Variants in PUM1 observed in about 807,000 individuals in gnomAD.
PUM1 encodes pumilio RNA binding family member 1.
Under a neutral mutation model 131.8 loss-of-function variants are expected in PUM1, and 13 were observed. That is an observed-to-expected ratio of 0.10 (90% CI 0.06 to 0.16). PUM1 has a LOEUF of 0.16. Among genes scored for constraint, PUM1 ranks in the 10% least tolerant of loss-of-function variants. The probability of loss-of-function intolerance (pLI) is 1.00; values close to 1 mark genes in which losing one functional copy is unlikely to be tolerated. For missense variants in PUM1, 961 were observed against 1,512.4 expected (o/e 0.64, Z 6.05); for synonymous variants, 509 against 556.5 (o/e 0.91, Z 1.20).
intron 14 of PUM1, among the ~76,000 whole-genome samples, chr1:30,959,651 T>C (rs1036276679): frequency 1.3e-5 from 2 of 152,142 alleles, no homozygotes; most frequent in Non-Finnish European, 1.5e-5. Context: ...CTCACACCTG[T>C]AATCCCAACA....
At chr1:30,966,413 C>G in intron 12 of PUM1, 135 bp from the exon 13 acceptor site, 1 of 836,828 alleles carries the variant, frequency 1.2e-6, no homozygotes, top group South Asian at 2.0e-5. Context: ...ACAAATCTGT[C>G]TTTGATCCCT....
intron 2 of PUM1, among the ~76,000 whole-genome samples, chr1:31,047,068 C>CA: frequency 6.6e-6 from 1 of 151,980 alleles, no homozygotes; most frequent in Non-Finnish European, 1.5e-5. Flanking sequence ...GTGCACACCC[C>CA]TAGTCCCAGC....
chr1:30,935,469 T>G (rs562069499), intron 21 of PUM1, among the ~76,000 whole-genome samples: 34 of 152,252 alleles, frequency 2.2e-4, no homozygotes, highest in Non-Finnish European at 4.6e-4. Context: ...CTGCTGAGAA[T>G]ACGACCTGCT....
chr1:30,980,319 A>C (rs1641309981), intron 8 of PUM1, 156 bp from the exon 9 acceptor site: 1 of 655,940 alleles, frequency 1.5e-6, no homozygotes, highest in East Asian at 2.8e-5. Context: ...AAATTTTAAA[A>C]AGATAACTGC....
At chr1:30,996,222 CTCCT>C (rs1641974825) in intron 5 of PUM1, among the ~76,000 whole-genome samples, 1 of 152,210 alleles carries the variant, frequency 6.6e-6, no homozygotes, top group Non-Finnish European at 1.5e-5. Context: ...CCACGACTGA[CTCCT>C]GGTTTAAGGA....
chr1:30,934,192 TTC>T (rs1447095437), intron 21 of PUM1, among the ~76,000 whole-genome samples: 2 of 152,220 alleles, frequency 1.3e-5, no homozygotes, highest in Non-Finnish European at 2.9e-5. Flanking sequence ...GAGGTGCTTC[TTC>T]TCTGGAAGCC....
chr1:30,948,650 C>T (rs981832806), intron 17 of PUM1, among the ~76,000 whole-genome samples: 2 of 152,070 alleles, frequency 1.3e-5, no homozygotes, highest in African/African-American at 4.8e-5. Context: ...ACTCAGGAGG[C>T]TAAGATGGGA....
At chr1:31,060,448 G>A (rs541778419) in intron 1 of PUM1, among the ~76,000 whole-genome samples, 15 of 152,054 alleles carry the variant, frequency 9.9e-5, no homozygotes, top group Non-Finnish European at 1.6e-4. Flanking sequence ...GTGACAGAGC[G>A]AGACTCTCTC....
At chr1:31,061,124 T>A (rs564806313) in intron 1 of PUM1, among the ~76,000 whole-genome samples, 1 of 152,222 alleles carries the variant, frequency 6.6e-6, no homozygotes, top group East Asian at 1.9e-4. Flanking sequence ...ATAAACAGGA[T>A]GAGACCAAAC....
chr1:30,973,334 T>C (rs981077628), intron 10 of PUM1, among the ~76,000 whole-genome samples: 1 of 152,002 alleles, frequency 6.6e-6, no homozygotes, highest in Non-Finnish European at 1.5e-5. Flanking sequence ...TCATTTAATA[T>C]ATTCATATAT....
chr1:30,999,270 G>A lies in PUM1; in HGVS notation c.721-4050C>T, dbSNP rs150577432. On this transcript the variant is annotated intron_variant, in intron 5 of 21. Transcript: ENST00000426105. ...CTGCCTTGGTCTCCCAAAGCTCTGT[G>A]ATTACAAGTGTGAGCCATAACACCT... is the stretch of plus-strand genomic sequence containing the variant. Among the ~76,000 whole-genome samples the A allele has an allele frequency of 7.6e-4, 115 of 152,186 alleles. 1 individual carries two copies. The highest frequency in any genetic ancestry group is 2.6e-3 in the African/African-American group (109 of 41,522).
intron 14 of PUM1, among the ~76,000 whole-genome samples, chr1:30,955,577 T>C (rs1341187124): frequency 2.0e-5 from 3 of 152,194 alleles, no homozygotes; most frequent in Non-Finnish European, 4.4e-5. Context: ...TCTGGGGTTG[T>C]TTCCCCCACC....
intron 10 of PUM1, among the ~76,000 whole-genome samples, chr1:30,971,870 T>C (rs1640884008): frequency 6.6e-6 from 1 of 152,242 alleles, no homozygotes; most frequent in African/African-American, 2.4e-5. Flanking sequence ...GTAATTACTT[T>C]AGTCTTCCAA....
intron 2 of PUM1, among the ~76,000 whole-genome samples, chr1:31,029,918 A>G (rs1367756707): frequency 1.5e-5 from 2 of 133,506 alleles, no homozygotes; most frequent in African/African-American, 5.1e-5. Context: ...TTTTTCAAAA[A>G]AAAAAAAAAA....
intron 17 of PUM1, among the ~76,000 whole-genome samples, chr1:30,948,030 T>C (rs984862341): frequency 3.3e-5 from 5 of 151,988 alleles, no homozygotes; most frequent in Non-Finnish European, 5.9e-5. Context: ...CAACTTTTTA[T>C]AGAGATGGGG....
intron 5 of PUM1, among the ~76,000 whole-genome samples, chr1:30,999,841 T>C (rs1642140901): frequency 6.6e-6 from 1 of 152,204 alleles, no homozygotes; most frequent in African/African-American, 2.4e-5. Context: ...AGAGACGCAC[T>C]GGGATGGTGT....
At chr1:30,951,002 G>C (rs758074142) in intron 16 of PUM1, among the ~76,000 whole-genome samples, 16 of 152,142 alleles carry the variant, frequency 1.1e-4, no homozygotes, top group Non-Finnish European at 2.2e-4. Context: ...AAAATCAGTA[G>C]AATCAAGAAG....
At chr1:31,020,717 G>C (rs918583293) in intron 3 of PUM1, among the ~76,000 whole-genome samples, 11 of 152,122 alleles carry the variant, frequency 7.2e-5, no homozygotes, top group Admixed American at 3.3e-4. Flanking sequence ...AAAAGACAAG[G>C]ATCTCAACCC....
At chr1:30,943,749 T>C (rs995238902) in intron 18 of PUM1, among the ~76,000 whole-genome samples, 1 of 152,238 alleles carries the variant, frequency 6.6e-6, no homozygotes, top group Non-Finnish European at 1.5e-5. Flanking sequence ...AAAATGGTTG[T>C]GCCAATGTCT....
Sources: allele counts gnomAD v4.1 joint callset (sites outside exome capture counted in the v4.1 genomes callset), GRCh38; gene constraint gnomAD v4.1.1; transcripts MANE v1.5; gene names NCBI Gene and HGNC (gene_info 2026-07-23, HGNC 2026-07-21).